Variants in EPHA10 observed in about 807,000 individuals in gnomAD.
EPHA10 encodes EPH receptor A10, also known as ephrin type-A receptor 10.
Under a neutral mutation model 109.7 loss-of-function variants are expected in EPHA10, and 120 were observed. The observed-to-expected ratio is 1.09, with a 90% confidence interval of 0.94 to 1.27. The LOEUF (loss-of-function observed/expected upper bound fraction) is 1.27, where lower values mean the gene tolerates loss of function less well. EPHA10 is among the 50% of genes most tolerant of loss of function. The probability of loss-of-function intolerance (pLI) is 0.00; values close to 1 mark genes in which losing one functional copy is unlikely to be tolerated. For synonymous variants in EPHA10, 640 were observed against 618.9 expected (o/e 1.03, Z -0.51); for missense variants, 1,396 against 1,411.1 (o/e 0.99, Z 0.17).
chr1:37,740,000 A>C (rs896092813), intron 5 of EPHA10, among the ~76,000 whole-genome samples: 2 of 152,106 alleles, frequency 1.3e-5, no homozygotes, highest in African/African-American at 4.8e-5. Context: ...AGGCTGAGAC[A>C]GGAGGCTTGC....
chr1:37,722,740 C>T (rs2148313238), intron 10 of EPHA10: 1 of 498,462 alleles, frequency 2.0e-6, no homozygotes, highest in Admixed American at 2.7e-5. Flanking sequence ...CTTGCAAAGG[C>T]CCCTCCCCAC....
At chr1:37,724,015 G>C (rs895164031) in intron 8 of EPHA10, among the ~76,000 whole-genome samples, 3 of 152,264 alleles carry the variant, frequency 2.0e-5, no homozygotes. Context: ...GCAGAGGAGA[G>C]CCCCTGTGGG....
intron 5 of EPHA10, among the ~76,000 whole-genome samples, chr1:37,742,593 G>GGAGTT (rs1476523141): frequency 1.5e-5 from 1 of 68,498 alleles, no homozygotes; most frequent in African/African-American, 4.4e-5. Context: ...AGAGTGGACA[G>GGAGTT]ACAGAAAAAA....
chr1:37,736,924 A>C (rs562026385), intron 5 of EPHA10, among the ~76,000 whole-genome samples: 3 of 152,198 alleles, frequency 2.0e-5, no homozygotes, highest in African/African-American at 7.2e-5. Context: ...AGAAAACTAT[A>C]AAATATTGCT....
intron 6 of EPHA10, 74 bp downstream of exon 6, chr1:37,735,183 A>G: frequency 6.5e-7 from 1 of 1,535,536 alleles, no homozygotes; most frequent in South Asian, 1.2e-5. Flanking sequence ...TGCTGGGAGG[A>G]TGGCCTGAAG....
In EPHA10 at chr1:37,720,486, C is replaced by T. The variant is rs1030552372; in HGVS notation, c.2277G>A (p.Lys759=). 14 of 1,613,398 alleles carry T rather than the reference C, an allele frequency of 8.7e-6. No individual in the cohort carries two copies. Among genetic ancestry groups the T allele is most frequent in the South Asian group, 4.4e-5 (4 of 91,074 alleles). ...GAACGTAGCCCATCTCTGACAGATACTTCATGGCTGATGCCAGCCCAGGCA... is the reference window on the plus strand; with the variant it reads ...GAACGTAGCCCATCTCTGACAGATATTTCATGGCTGATGCCAGCCCAGGCA... The part of the protein sequence containing the change: ...GLLPGLASAM[K]YLSEMGYVHR... The change falls in exon 13 of 17, where the codon AAG becomes AAA. Residue 759 remains lysine (K), a synonymous_variant. Transcript: ENST00000373048.
intron 5 of EPHA10, among the ~76,000 whole-genome samples, chr1:37,745,563 T>G (rs1201849307): frequency 6.6e-6 from 1 of 152,212 alleles, no homozygotes; most frequent in Non-Finnish European, 1.5e-5. Flanking sequence ...AAAGGTGGCT[T>G]TCAAGCCAGG....
chr1:37,723,356 T>C lies in EPHA10; in HGVS notation c.1789A>G (p.Lys597Glu), dbSNP rs1301202293. Residue 597 changes from lysine to glutamate, a missense_variant, in exon 9 of 17, where the codon AAA becomes GAA. Lys to Glu is a moderately conservative substitution (Grantham distance 56). Coordinates refer to ENST00000373048, the MANE Select transcript of EPHA10 (RefSeq NM_001099439.2). ...TCATCATGGGCATCCCCTCCTCCTT[T>C]GCCATAGCTGCAGGGCCTGGCAGGG... ...AIWRRPCSYG[K>E]GGGDAHDEEE... 6.2e-7 allele frequency: 1 copy of C among 1,614,158 alleles called. No individual in the cohort carries two copies. The highest frequency in any genetic ancestry group is 2.2e-5 in the East Asian group (1 of 44,870).
chr1:37,717,351 T>G lies in EPHA10; in HGVS notation c.*1021A>C. 4.3e-6 allele frequency: 1 copy of G among 232,402 alleles called. No homozygotes were observed. The highest frequency in any genetic ancestry group is 8.5e-6 in the Non-Finnish European group (1 of 117,552). 14.4% of individuals were successfully genotyped at this position (232,402 alleles called of 1,614,324 possible). On this transcript the variant is annotated 3_prime_UTR_variant, in exon 17 of 17. Transcript: ENST00000373048. Reference sequence around the variant, plus strand: ...CAAGGGCTGTACAGGGAAGTGGTGGTGCCATAGGGCAGGACCAAGGACTCT... The same window carrying G: ...CAAGGGCTGTACAGGGAAGTGGTGGGGCCATAGGGCAGGACCAAGGACTCT...
At chr1:37,721,523 T>A in intron 11 of EPHA10, 137 bp downstream of exon 11, 1 of 883,168 alleles carries the variant, frequency 1.1e-6, no homozygotes, top group Non-Finnish European at 1.6e-6. Context: ...CAGTGAAAGC[T>A]GAGGTCCCTG....
Position 37,718,215 on chromosome 1 carries a change from T to C in EPHA10, c.*157A>G, listed in dbSNP as rs1645721962. On this transcript the variant is annotated 3_prime_UTR_variant, in exon 17 of 17. Transcript: ENST00000373048. Reference sequence around the variant, plus strand: ...TCGTGAAAATGGGAGGGGCAGGCAGTGAAAGCGGGGAAGCTGTGGCCCCAC... The same window carrying C: ...TCGTGAAAATGGGAGGGGCAGGCAGCGAAAGCGGGGAAGCTGTGGCCCCAC... 1 of 654,782 alleles carries C rather than the reference T, an allele frequency of 1.5e-6. No homozygotes were observed. Among genetic ancestry groups the C allele is most frequent in the African/African-American group, 1.8e-5 (1 of 54,712 alleles). 40.6% of individuals were successfully genotyped at this position (654,782 alleles called of 1,614,324 possible).
chr1:37,737,826 C>A (rs1376600609), intron 5 of EPHA10: 2 of 149,066 alleles, frequency 1.3e-5, no homozygotes, highest in African/African-American at 2.5e-5. Context: ...AAAAAGCAGT[C>A]TTTGAAATGG....
rs1645959487 is a variant in EPHA10, at chr1:37,730,217, G to A, written c.1663+1194C>T. On this transcript the variant is annotated intron_variant, in intron 7 of 16. Transcript: ENST00000373048. ...GGTCTGACACTTTTTGCATTCAGGC[G>A]AGAAGTGTGGTCTTCCTTCCCAGAA... Among the ~76,000 whole-genome samples the A allele has an allele frequency of 2.0e-5, 3 of 152,138 alleles. 1 individual carries two copies. Among genetic ancestry groups the A allele is most frequent in the Admixed American group, 2.0e-4 (3 of 15,274 alleles).
Position 37,752,888 on chromosome 1 carries a change from T to C in EPHA10, c.1345A>G (p.Thr449Ala). 7.7e-7 allele frequency: 1 copy of C among 1,297,644 alleles called. No homozygotes were observed. Among genetic ancestry groups the C allele is most frequent in the South Asian group, 2.3e-5 (1 of 43,860 alleles). 80.4% of individuals were successfully genotyped at this position (1,297,644 alleles called of 1,614,324 possible). Residue 449 changes from threonine (T) to alanine (A), a missense_variant, in exon 5 of 17, where the codon ACC becomes GCC. Physicochemically the swap from Thr to Ala is moderately conservative, Grantham distance 58 (BLOSUM62 0). Transcript: ENST00000373048. ...CGGACGGCCTTACCCCCGGGCCCGG[T>C]GGAGACGGTGACCTGCGCGTAGGTG... ...GTTYAQVTVS[T>A]GPGAPWEEDE...
intron 15 of EPHA10, chr1:37,719,036 T>C (rs770212803): frequency 1.3e-4 from 84 of 639,694 alleles, no homozygotes; most frequent in Non-Finnish European, 1.1e-5. Flanking sequence ...CTAAAGGTAT[T>C]GGCGTATCCG....
chr1:37,731,815 T>C (rs1037700794), intron 6 of EPHA10, among the ~76,000 whole-genome samples: 5 of 152,162 alleles, frequency 3.3e-5, no homozygotes, highest in Admixed American at 6.5e-5. Context: ...TAGCTGAGAA[T>C]AGCACCACCT....
At chr1:37,733,801 A>C (rs1646027083) in intron 6 of EPHA10, among the ~76,000 whole-genome samples, 1 of 143,902 alleles carries the variant, frequency 6.9e-6, no homozygotes. Flanking sequence ...CAACACTCTC[A>C]CTCTCTCTCT....
chr1:37,748,747 G>A (rs1035595898), intron 5 of EPHA10, among the ~76,000 whole-genome samples: 3 of 151,558 alleles, frequency 2.0e-5, no homozygotes, highest in Non-Finnish European at 2.9e-5. Context: ...GAAAAAATTT[G>A]GTCATATTGA....
Position 37,752,974 on chromosome 1 carries a change from C to G in EPHA10, c.1259G>C (p.Arg420Pro). 2 of 1,261,270 alleles carry G rather than the reference C, an allele frequency of 1.6e-6. No individual in the cohort carries two copies. The highest frequency in any genetic ancestry group is 2.0e-6 in the Non-Finnish European group (2 of 1,005,450). The allele number at this position is 1,261,270 out of a possible 1,614,324, so 78.1% of individuals were successfully genotyped here. A position where few individuals can be genotyped will look rare whatever the true frequency, so the allele number is the denominator to read the frequency against. Reference sequence around the variant, plus strand: ...GAGCGCGGCCACGCGCACGGTGTAGCGCGCGCCGGGCCGCAGGTGCAGCAG... The same window carrying G: ...GAGCGCGGCCACGCGCACGGTGTAGGGCGCGCCGGGCCGCAGGTGCAGCAG... ...ATLLHLRPGA[R>P]YTVRVAALNG... The change falls in exon 5 of 17, where the codon CGC (arginine) becomes CCC (proline). Residue 420 changes from arginine to proline, a missense_variant. By Grantham distance (103) the Arg-to-Pro change is moderately radical (BLOSUM62 -2). Coordinates refer to ENST00000373048, the MANE Select transcript of EPHA10 (RefSeq NM_001099439.2).
Sources: allele counts gnomAD v4.1 joint callset (sites outside exome capture counted in the v4.1 genomes callset), GRCh38; gene constraint gnomAD v4.1.1; transcripts MANE v1.5; gene names NCBI Gene and HGNC (gene_info 2026-07-23, HGNC 2026-07-21).